Variants in DLGAP1 observed in about 807,000 individuals in gnomAD.
DLGAP1 encodes the protein disks large-associated protein 1.
A neutral mutation model predicts 90.8 loss-of-function variants in DLGAP1; 11 were observed. The observed-to-expected ratio is 0.12, with a 90% CI of 0.08 to 0.20. DLGAP1 has a LOEUF of 0.20. Among genes scored for constraint, DLGAP1 ranks in the 10% least tolerant of loss-of-function variants. DLGAP1 has a pLI of 1.00. For missense variants in DLGAP1, 1,050 were observed against 1,333.8 expected, an observed-to-expected ratio of 0.79 and a Z score of 3.31; for synonymous variants, 558 against 540.7, an observed-to-expected ratio of 1.03 and a Z score of -0.44.
At chr18:4,198,986 T>A (rs1365267633) in intron 1 of DLGAP1, among the ~76,000 whole-genome samples, 1 of 152,246 alleles carries the variant, frequency 6.6e-6, no homozygotes, top group East Asian at 1.9e-4. Flanking sequence ...GCTGCTCTGC[T>A]GCAAGTGCTC....
intron 7 of DLGAP1, among the ~76,000 whole-genome samples, chr18:3,600,999 T>TATAG (rs1245465104): frequency 7.6e-6 from 1 of 131,924 alleles, no homozygotes; most frequent in Non-Finnish European, 1.6e-5. Context: ...TATATAGATA[T>TATAG]ATAGATATAG....
At chr18:3,642,951 C>G (rs1464974671) in intron 7 of DLGAP1, among the ~76,000 whole-genome samples, 1 of 152,188 alleles carries the variant, frequency 6.6e-6, no homozygotes, top group African/African-American at 2.4e-5. Context: ...AGGAGTTTAT[C>G]TGAAGATATG....
intron 7 of DLGAP1, among the ~76,000 whole-genome samples, chr18:3,600,881 GATAGATATATAGATAT>G (rs1469690083): frequency 1.0e-4 from 1 of 9,928 alleles, no homozygotes; most frequent in African/African-American, 3.0e-4. Context: ...TAGATATATA[GATAGATATATAGATAT>G]ATATAGATAT....
chr18:3,750,773 G>A (rs1344786838), intron 5 of DLGAP1, among the ~76,000 whole-genome samples: 4 of 152,118 alleles, frequency 2.6e-5, no homozygotes, highest in Non-Finnish European at 4.4e-5. Flanking sequence ...ACGTGATCAC[G>A]CATGCCCTCG....
At chr18:3,717,937 G>A (rs888274641) in intron 7 of DLGAP1, among the ~76,000 whole-genome samples, 1 of 152,166 alleles carries the variant, frequency 6.6e-6, no homozygotes, top group Non-Finnish European at 1.5e-5. Context: ...AGACTGCTAC[G>A]TGCCAAAGTC....
At chr18:3,801,138 A>T (rs2148327430) in intron 5 of DLGAP1, among the ~76,000 whole-genome samples, 1 of 152,240 alleles carries the variant, frequency 6.6e-6, no homozygotes, top group African/African-American at 2.4e-5. Context: ...GTGAGAACCC[A>T]GTCGTGTTGA....
In DLGAP1 at chr18:4,113,100, T is replaced by G. The variant is rs1263015121; in HGVS notation, c.-159+38080A>C. ...AACACGTGTCTTTTTAGTAGAACAA[T>G]TTATTTTCCACTGGATATATATTCA... On this transcript the variant is annotated intron_variant, in intron 2 of 12. Transcript: ENST00000315677. Among the ~76,000 whole-genome samples, 5 of 152,118 alleles carry G rather than the reference T, an allele frequency of 3.3e-5. No homozygotes were observed. The East Asian group carries it at 7.7e-4, about 23-fold the overall frequency.
intron 3 of DLGAP1, among the ~76,000 whole-genome samples, chr18:3,996,118 A>T (rs1484736154): frequency 6.6e-6 from 1 of 152,162 alleles, no homozygotes; most frequent in Non-Finnish European, 1.5e-5. Context: ...TGGGGAAAAC[A>T]GTAAAGATGG....
At chr18:3,600,737 T>G (rs1297645842) in intron 7 of DLGAP1, among the ~76,000 whole-genome samples, 1,316 of 39,080 alleles carry the variant, frequency 0.034, 318 homozygotes, top group Admixed American at 0.038. Flanking sequence ...TAGATATATA[T>G]AGATATATAG....
At chr18:4,318,720 TA>T (rs2080595719) in intron 1 of DLGAP1, among the ~76,000 whole-genome samples, 1 of 152,148 alleles carries the variant, frequency 6.6e-6, no homozygotes. Flanking sequence ...CATATTTCAA[TA>T]AAAAAACTCA....
intron 2 of DLGAP1, among the ~76,000 whole-genome samples, chr18:4,067,481 T>C (rs771314949): frequency 6.6e-6 from 1 of 152,070 alleles, no homozygotes; most frequent in Non-Finnish European, 1.5e-5. Flanking sequence ...TCAGGCACAG[T>C]TGACCAGCGT....
chr18:3,840,055 G>C (rs1022156487), intron 4 of DLGAP1, among the ~76,000 whole-genome samples: 1 of 152,202 alleles, frequency 6.6e-6, no homozygotes, highest in Non-Finnish European at 1.5e-5. Flanking sequence ...CGCCAGCGTT[G>C]CAATTCCTCT....
At chr18:3,580,137 C>A in intron 8 of DLGAP1, 2 of 1,127,984 alleles carry the variant, frequency 1.8e-6, no homozygotes, top group Non-Finnish European at 1.4e-6. Flanking sequence ...AAAATAATAG[C>A]TGCTAATAAT....
chr18:4,453,514 C>T (rs1021837153), intron 1 of DLGAP1, among the ~76,000 whole-genome samples: 6 of 152,108 alleles, frequency 3.9e-5, no homozygotes, highest in African/African-American at 1.4e-4. Context: ...GAACTGAAAT[C>T]GTGCTATAAA....
intron 2 of DLGAP1, among the ~76,000 whole-genome samples, chr18:4,139,181 C>T (rs2076454968): frequency 6.6e-6 from 1 of 150,552 alleles, no homozygotes; most frequent in African/African-American, 2.4e-5. Flanking sequence ...GTTTGGTTTG[C>T]TCTCACTTTT....
At chr18:4,176,445 C>A (rs958837461) in intron 1 of DLGAP1, among the ~76,000 whole-genome samples, 1 of 152,138 alleles carries the variant, frequency 6.6e-6, no homozygotes, top group African/African-American at 2.4e-5. Context: ...TTTTAATGGA[C>A]CAACCATTCA....
At chr18:4,182,470 T>C (rs574249157) in intron 1 of DLGAP1, among the ~76,000 whole-genome samples, 7 of 152,222 alleles carry the variant, frequency 4.6e-5, no homozygotes, top group African/African-American at 1.7e-4. Context: ...TTGTGGCCCC[T>C]AGAGATACAA....
At chr18:3,650,823 C>G (rs995883567) in intron 7 of DLGAP1, among the ~76,000 whole-genome samples, 2 of 152,190 alleles carry the variant, frequency 1.3e-5, no homozygotes, top group East Asian at 1.9e-4. Context: ...AATCCCAGCA[C>G]TTTGGGAGGC....
intron 2 of DLGAP1, among the ~76,000 whole-genome samples, chr18:4,103,440 A>C (rs886501423): frequency 1.3e-5 from 2 of 152,182 alleles, no homozygotes; most frequent in Non-Finnish European, 2.9e-5. Context: ...GAGCACTAAA[A>C]AAATCTAATT....
Sources: allele counts gnomAD v4.1 joint callset (sites outside exome capture counted in the v4.1 genomes callset), GRCh38; gene constraint gnomAD v4.1.1; transcripts MANE v1.5; gene names NCBI Gene and HGNC (gene_info 2026-07-23, HGNC 2026-07-21).